The following USP37 variants were observed in gnomAD, a reference collection of about 807,000 sequenced individuals.
The protein encoded by USP37 is ubiquitin carboxyl-terminal hydrolase 37.
Under a neutral mutation model 124.0 loss-of-function variants are expected in USP37, and 27 were observed. That is an observed-to-expected ratio of 0.22 (90% CI 0.16 to 0.30). The LOEUF (loss-of-function observed/expected upper bound fraction) is 0.30, where lower values mean the gene tolerates loss of function less well. Ranked by LOEUF, USP37 falls within the 10% of genes least tolerant of loss-of-function variation. The pLI is 1.00. For synonymous variants in USP37, 365 were observed against 388.0 expected (o/e 0.94, Z 0.70); for missense variants, 889 against 1,140.4 (o/e 0.78, Z 3.17).
intron 14 of USP37, among the ~76,000 whole-genome samples, chr2:218,495,100 A>T (rs558023662): frequency 2.6e-5 from 4 of 152,286 alleles, no homozygotes; most frequent in African/African-American, 9.6e-5. Flanking sequence ...TGTATAATAA[A>T]GTATTTAAAT....
rs1691293622 is a variant in USP37 at position 218,481,942 on chromosome 2, C to T, written c.1835+128G>A. The T allele has an allele frequency of 3.6e-6, 4 of 1,124,764 alleles. No homozygotes were observed. In the African/African-American group the frequency reaches 4.8e-5, roughly 13 times the overall value. The allele number at this position is 1,124,764 out of a possible 1,614,324, so 69.7% of individuals were successfully genotyped here. ...GTGCTGGGATTACAGGCATGAGCCACTGCATCTGGCCATTGATCTGATTTT... is the reference window on the plus strand; with the variant it reads ...GTGCTGGGATTACAGGCATGAGCCATTGCATCTGGCCATTGATCTGATTTT... On this transcript the variant is annotated intron_variant, in intron 17 of 25. Transcript: ENST00000258399.
At chr2:218,485,563 A>G in intron 16 of USP37, 101 bp downstream of exon 16, 1 of 1,267,084 alleles carries the variant, frequency 7.9e-7, no homozygotes, top group Admixed American at 2.8e-5. Context: ...TTTATTCAGT[A>G]ATATTTGTAT....
intron 9 of USP37, among the ~76,000 whole-genome samples, chr2:218,533,665 T>C (rs1691461344): frequency 6.6e-6 from 1 of 152,212 alleles, no homozygotes; most frequent in Non-Finnish European, 1.5e-5. Context: ...GATATTTCTT[T>C]CTGTAGGAGT....
chr2:218,528,803 GAAAAAAAAAAAAAAAAAAAAAAA>G (rs58650311), intron 10 of USP37: 57 of 29,704 alleles, frequency 1.9e-3, no homozygotes, highest in Middle Eastern at 0.019. Flanking sequence ...CAATAAATCT[GAAAAAAAAAAAAAAAAAAAAAAA>G]AAAAAAAAAA....
chr2:218,476,519 G>A (rs1690991368), intron 19 of USP37, among the ~76,000 whole-genome samples: 1 of 152,296 alleles, frequency 6.6e-6, no homozygotes, highest in African/African-American at 2.4e-5. Flanking sequence ...ATGCTGTGGT[G>A]AGCCGTGATT....
intron 24 of USP37, 139 bp from the exon 25 acceptor site, chr2:218,455,857 C>G: frequency 1.2e-6 from 1 of 864,954 alleles, no homozygotes; most frequent in African/African-American, 1.7e-5. Flanking sequence ...ACCAGCCTCA[C>G]CAACATGGTG....
chr2:218,539,728 C>G (rs1206014486), intron 8 of USP37, among the ~76,000 whole-genome samples: 1 of 150,792 alleles, frequency 6.6e-6, no homozygotes, highest in South Asian at 2.1e-4. Flanking sequence ...AATAAAAAAC[C>G]TGGCCGGGCG....
intron 11 of USP37, among the ~76,000 whole-genome samples, chr2:218,498,940 TA>T (rs1172539744): frequency 5.9e-5 from 9 of 152,202 alleles, no homozygotes; most frequent in Non-Finnish European, 1.2e-4. Context: ...TATATGTGTT[TA>T]GGTACTGCCA....
At chr2:218,567,943 T>G (rs1174978280) in intron 1 of USP37, among the ~76,000 whole-genome samples, 2 of 151,938 alleles carry the variant, frequency 1.3e-5, no homozygotes, top group African/African-American at 4.8e-5. Context: ...GGGCCAGGTT[T>G]GAGTTTCGGA....
At chr2:218,552,550 G>C (rs1312058831) in intron 5 of USP37, among the ~76,000 whole-genome samples, 3 of 151,650 alleles carry the variant, frequency 2.0e-5, no homozygotes, top group African/African-American at 7.3e-5. Flanking sequence ...TCTTGCCACT[G>C]TACTTCAACC....
chr2:218,478,203 C>A (rs1691076584), intron 18 of USP37, among the ~76,000 whole-genome samples: 1 of 152,074 alleles, frequency 6.6e-6, no homozygotes, highest in African/African-American at 2.4e-5. Context: ...GTGATAAGCC[C>A]AAACATAGTG....
chr2:218,548,370 T>TATATATATATA (rs1166017293), intron 6 of USP37, among the ~76,000 whole-genome samples: 5 of 149,694 alleles, frequency 3.3e-5, no homozygotes, highest in African/African-American at 1.3e-4. Context: ...AGACAGAGTC[T>TATATATATATA]TACTCTGTCA....
Position 218,452,718 on chromosome 2 carries a change from C to CA in USP37, c.*2211dup, listed in dbSNP as rs1185731090. 6.6e-6 allele frequency: 1 copy of CA among 152,222 alleles called. No homozygotes were observed. The highest frequency in any genetic ancestry group is 1.5e-5 in the Non-Finnish European group (1 of 68,036). The allele number at this position is 152,222 out of a possible 1,614,324, so 9.4% of individuals were successfully genotyped here. On this transcript the variant is annotated 3_prime_UTR_variant, in exon 26 of 26. Transcript: ENST00000258399. ...GAAAGCAATTCAAATGAGGCTGCTT[C>CA]ATGAGGCAATCTAGACTTATGGCAT... is the stretch of plus-strand genomic sequence containing the variant.
intron 10 of USP37, among the ~76,000 whole-genome samples, chr2:218,516,091 A>C (rs1690261335): frequency 6.6e-6 from 1 of 152,312 alleles, no homozygotes; most frequent in East Asian, 1.9e-4. Context: ...TGTTGGTGGG[A>C]GTGTAAATTA....
At chr2:218,460,703 G>A (rs947739682) in intron 22 of USP37, among the ~76,000 whole-genome samples, 2 of 152,094 alleles carry the variant, frequency 1.3e-5, no homozygotes, top group Non-Finnish European at 2.9e-5. Flanking sequence ...AGCACTTTGG[G>A]AGGCTGAGGT....
At chr2:218,531,860 A>G (rs1691344559) in intron 9 of USP37, among the ~76,000 whole-genome samples, 1 of 152,246 alleles carries the variant, frequency 6.6e-6, no homozygotes, top group Non-Finnish European at 1.5e-5. Flanking sequence ...GAGCCTGCAG[A>G]TGTGACTGAA....
At chr2:218,525,292 G>A (rs1690893895) in intron 10 of USP37, among the ~76,000 whole-genome samples, 1 of 152,068 alleles carries the variant, frequency 6.6e-6, no homozygotes, top group African/African-American at 2.4e-5. Context: ...ACTAGCCTGG[G>A]CAACATGGTG....
intron 11 of USP37, 117 bp downstream of exon 11, chr2:218,509,853 ATAAGTGATC>A: frequency 2.2e-6 from 2 of 915,552 alleles, no homozygotes; most frequent in Non-Finnish European, 3.0e-6. Flanking sequence ...TAAATCTTTA[ATAAGTGATC>A]TAATTTCTAA....
chr2:218,528,787 T>C, intron 10 of USP37: 1 of 247,070 alleles, frequency 4.0e-6, no homozygotes, highest in Non-Finnish European at 7.6e-6. Context: ...CTTATGTATT[T>C]ATACCCAATA....
Sources: gnomAD v4.1 joint callset for allele counts (sites outside exome capture counted in the v4.1 genomes callset) on GRCh38, gnomAD v4.1.1 for gene constraint, MANE v1.5 for transcripts, NCBI Gene and HGNC (gene_info 2026-07-23, HGNC 2026-07-21) for gene names.